ATM: variants seen among roughly 807,000 people sequenced by gnomAD.
ATM encodes the protein serine-protein kinase ATM.
In ATM, 308 loss-of-function variants were observed where a neutral mutation model predicts 387.0. The ratio of observed to expected loss-of-function variants is 0.80; its 90% CI spans 0.73 to 0.87. ATM has a LOEUF of 0.87. Ranked by LOEUF, ATM falls within the 40% of genes least tolerant of loss-of-function variation. ATM has a pLI of 0.00. For synonymous variants in ATM, 1,156 were observed against 1,187.3 expected, an observed-to-expected ratio of 0.97 and a Z score of 0.54; for missense variants, 3,312 against 3,560.9, an observed-to-expected ratio of 0.93 and a Z score of 1.78.
rs2089507361 is a variant in ATM at position 108,353,829 on chromosome 11, G to A, written c.8735G>A (p.Arg2912Lys). 6.2e-7 allele frequency: 1 copy of A among 1,614,086 alleles called. No individual in the cohort carries two copies. The highest frequency in any genetic ancestry group is 1.6e-4 in the Middle Eastern group (1 of 6,062). ...GAGACAGTTCCTTTTAGACTCACCA[G>A]AGATATTGTGGATGGCATGGGCATT... ...TPETVPFRLT[R>K]DIVDGMGITG... Residue 2912 changes from arginine (R) to lysine (K), a missense_variant, in exon 60 of 63, where the codon AGA becomes AAA. By Grantham distance (26) the Arg-to-Lys change is conservative (BLOSUM62 2). This residue lies in a region of ATM where 1,405 missense variants were observed against 1,604.4 expected (regional missense o/e 0.88). Coordinates refer to ENST00000675843, the MANE Select transcript of ATM (RefSeq NM_000051.4).
At position 108,336,100 on chromosome 11, in the gene ATM, C is replaced by G. The variant is rs899773442; in HGVS notation, c.8268+139C>G. On this transcript the variant is annotated intron_variant, in intron 56 of 62. Coordinates refer to ENST00000675843, the MANE Select transcript of ATM (RefSeq NM_000051.4). ...TTGCTTGAGGCCAGGAGTTCGAGACCAGCCTCAGCAACATAGTGAGACCCC... is the reference window on the plus strand; with the variant it reads ...TTGCTTGAGGCCAGGAGTTCGAGACGAGCCTCAGCAACATAGTGAGACCCC... 9 of 655,690 alleles carry G rather than the reference C, an allele frequency of 1.4e-5. No individual in the cohort carries two copies. In the Admixed American group the frequency reaches 1.7e-4, roughly 12 times the overall value. The allele number at this position is 655,690 out of a possible 1,614,324, so 40.6% of individuals were successfully genotyped here.
At chr11:108,328,680 C>A (rs1032939128) in intron 48 of ATM, among the ~76,000 whole-genome samples, 2 of 152,200 alleles carry the variant, frequency 1.3e-5, no homozygotes, top group African/African-American at 2.4e-5. Context: ...GCTGTCCAAT[C>A]TTTTGGCTTC....
intron 22 of ATM, among the ~76,000 whole-genome samples, chr11:108,276,741 C>T (rs1591623650): frequency 6.6e-6 from 1 of 152,120 alleles, no homozygotes; most frequent in Non-Finnish European, 1.5e-5. Flanking sequence ...TGGGAAGGTT[C>T]GTCCCAGAGC....
At chr11:108,305,783 A>G (rs1485507404) in intron 37 of ATM, among the ~76,000 whole-genome samples, 1 of 152,174 alleles carries the variant, frequency 6.6e-6, no homozygotes, top group Non-Finnish European at 1.5e-5. Flanking sequence ...TATAATACAT[A>G]TATGCATGCT....
rs1340448764 is a variant in ATM at position 108,235,668 on chromosome 11, A to G, written c.332-2A>G. 1 of 1,602,850 alleles carries G rather than the reference A, an allele frequency of 6.2e-7. No individual in the cohort carries two copies. Among genetic ancestry groups the G allele is most frequent in the South Asian group, 1.1e-5 (1 of 90,684 alleles). ...TTTCTTTATTTGTTTATTTTGAAAT[A>G]GGAGCACCTAGGCTAAAATGTCAAG... On this transcript the variant is annotated splice_acceptor_variant, in intron 4 of 62. Coordinates refer to ENST00000675843, the MANE Select transcript of ATM (RefSeq NM_000051.4). LOFTEE classifies it high-confidence loss of function.
chr11:108,287,796 CT>C, intron 27 of ATM, 81 bp downstream of exon 27: 1 of 984,660 alleles, frequency 1.0e-6, no homozygotes, highest in Non-Finnish European at 1.6e-6. Flanking sequence ...CCTTCAATGT[CT>C]ATTTCAATTT....
At position 108,366,890 on chromosome 11, in the gene ATM, A is replaced by G. The variant is rs1054761195; in HGVS notation, c.*1382A>G. 16 of 227,958 alleles carry G rather than the reference A, an allele frequency of 7.0e-5. No individual in the cohort carries two copies. Among genetic ancestry groups the G allele is most frequent in the African/African-American group, 3.5e-4 (16 of 45,156 alleles). The allele number at this position is 227,958 out of a possible 1,614,324, so 14.1% of individuals were successfully genotyped here. ...AAGCCCTGGGTTCTTTGCTCCCCAT[A>G]TAGATGTCTAAGCTAAAAGCCGTGG... On this transcript the variant is annotated 3_prime_UTR_variant, in exon 63 of 63. Transcript: ENST00000675843.
At chr11:108,273,971 G>C (rs2081774026) in intron 22 of ATM, among the ~76,000 whole-genome samples, 1 of 152,122 alleles carries the variant, frequency 6.6e-6, no homozygotes, top group Non-Finnish European at 1.5e-5. Context: ...TTGTACCCCT[G>C]GTAGAATTCG....
At chr11:108,251,132 TCA>T in intron 10 of ATM, 60 bp downstream of exon 10, 1 of 1,590,262 alleles carries the variant, frequency 6.3e-7, no homozygotes, top group Non-Finnish European at 8.6e-7. Flanking sequence ...ACACACACAC[TCA>T]CATATCCCTG....
At chr11:108,249,712 G>A (rs599164) in intron 9 of ATM, among the ~76,000 whole-genome samples, 94,358 of 151,994 alleles carry the variant, frequency 0.62, 29,611 homozygotes, top group Middle Eastern at 0.79. Flanking sequence ...AACTTCTGTA[G>A]GGACAGAGAT....
intron 61 of ATM, among the ~76,000 whole-genome samples, chr11:108,362,137 AG>A (rs1251674645): frequency 1.8e-4 from 25 of 142,596 alleles, no homozygotes; most frequent in Admixed American, 1.6e-3. Flanking sequence ...AAGTGGGTGA[AG>A]GACATGAACA....
chr11:108,289,629 A>G lies in ATM; in HGVS notation c.4264A>G (p.Ile1422Val), dbSNP rs562445932. Residue 1422 changes from isoleucine (I) to valine (V), a missense_variant, in exon 29 of 63, where the codon ATA becomes GTA. This residue lies in a region of ATM where 1,791 missense variants were observed against 1,804.5 expected (regional missense o/e 0.99). Transcript: ENST00000675843. ...TTCCTATCAGAAAATTCTTCTTGCC[A>G]TATGTGAGCAAGCAGCTGAAACAAA... ...PDSYQKILLA[I>V]CEQAAETNNV... 7 of 1,609,904 alleles carry G rather than the reference A, an allele frequency of 4.3e-6. No homozygotes were observed. The highest frequency in any genetic ancestry group is 1.1e-5 in the South Asian group (1 of 90,292).
At position 108,235,646 on chromosome 11, in the gene ATM, CTTTA is replaced by C. The variant is rs898739905; in HGVS notation, c.332-20_332-17del. On this transcript the variant is annotated intron_variant, in intron 4 of 62. Coordinates refer to ENST00000675843, the MANE Select transcript of ATM (RefSeq NM_000051.4). ...TATTTTTGTTCAAATTTATGTTTTT[CTTTA>C]TTTGTTTATTTTGAAATAGGAGCAC... 1.9e-6 allele frequency: 3 copies of C among 1,570,746 alleles called. No homozygotes were observed. The highest frequency in any genetic ancestry group is 1.4e-5 in the African/African-American group (1 of 73,510).
intron 59 of ATM, 115 bp from the exon 60 acceptor site, chr11:108,353,651 G>T: frequency 1.2e-6 from 1 of 826,184 alleles, no homozygotes; most frequent in Non-Finnish European, 2.1e-6. Flanking sequence ...ACATACTAGT[G>T]TTCATAGAAC....
chr11:108,280,218 G>A (rs1439984541), intron 23 of ATM, among the ~76,000 whole-genome samples: 2 of 152,082 alleles, frequency 1.3e-5, no homozygotes, highest in African/African-American at 4.8e-5. Flanking sequence ...AGAAAGATAA[G>A]TGTAAATAAC....
At chr11:108,316,692 G>A (rs954635576) in intron 42 of ATM, among the ~76,000 whole-genome samples, 7 of 148,274 alleles carry the variant, frequency 4.7e-5, no homozygotes, top group Middle Eastern at 3.3e-3. Flanking sequence ...AGCAGATCAC[G>A]AGGTCAGGAG....
chr11:108,364,840 C>T (rs1350639570), intron 61 of ATM, among the ~76,000 whole-genome samples: 3 of 152,156 alleles, frequency 2.0e-5, no homozygotes, highest in Non-Finnish European at 4.4e-5. Context: ...AGTCAGGAAA[C>T]ATGGGTCAAG....
intron 54 of ATM, 46 bp from the exon 55 acceptor site, chr11:108,334,923 A>T (rs2136648477): frequency 6.3e-7 from 1 of 1,577,916 alleles, no homozygotes; most frequent in South Asian, 1.1e-5. Context: ...TTTAAGTGCA[A>T]ATAGTGTATC....
intron 15 of ATM, among the ~76,000 whole-genome samples, chr11:108,258,366 CTT>C (rs2080639529): frequency 6.6e-6 from 1 of 152,174 alleles, no homozygotes; most frequent in Non-Finnish European, 1.5e-5. Flanking sequence ...ATAGATGACT[CTT>C]TTATTCCTGG....
Sources: gnomAD v4.1 joint callset for allele counts (sites outside exome capture counted in the v4.1 genomes callset) on GRCh38, gnomAD v4.1.1 for gene constraint, gnomAD v4.1.1 regional missense constraint, MANE v1.5 for transcripts, NCBI Gene and HGNC (gene_info 2026-07-23, HGNC 2026-07-21) for gene names.